The following MYO16 variants were observed in gnomAD, a reference collection of about 807,000 sequenced individuals.
MYO16 encodes the protein myosin XVI.
A neutral mutation model predicts 205.3 loss-of-function variants in MYO16; 94 were observed. That is an observed-to-expected ratio of 0.46 (90% CI 0.39 to 0.54). The LOEUF (loss-of-function observed/expected upper bound fraction) is 0.54. MYO16 is among the 20% of genes least tolerant of loss of function. MYO16 has a pLI of 0.00. For synonymous variants in MYO16, 988 were observed against 954.0 expected, an observed-to-expected ratio of 1.04 and a Z score of -0.66; for missense variants, 2,315 against 2,387.5, an observed-to-expected ratio of 0.97 and a Z score of 0.63.
intron 3 of MYO16, among the ~76,000 whole-genome samples, chr13:108,720,834 A>G (rs1884135755): frequency 6.6e-6 from 1 of 152,194 alleles, no homozygotes; most frequent in African/African-American, 2.4e-5. Flanking sequence ...TGTATGAACC[A>G]CAGAATTTGA....
chr13:109,050,292 C>T (rs556324243), intron 24 of MYO16, among the ~76,000 whole-genome samples: 3 of 151,806 alleles, frequency 2.0e-5, no homozygotes, highest in Non-Finnish European at 2.9e-5. Context: ...CCAGTTAATT[C>T]GTAGAAATCG....
intron 2 of MYO16, among the ~76,000 whole-genome samples, chr13:108,693,295 T>A (rs932344352): frequency 1.3e-5 from 2 of 152,198 alleles, no homozygotes; most frequent in South Asian, 2.1e-4. Context: ...CATTACTACA[T>A]GGAGAATGTT....
chr13:109,159,567 C>T (rs556360300), intron 32 of MYO16, among the ~76,000 whole-genome samples: 54 of 152,312 alleles, frequency 3.5e-4, no homozygotes, highest in African/African-American at 1.2e-3. Context: ...GAAAATACAA[C>T]GCACATTGTA....
chr13:108,738,554 C>T (rs1884787070), intron 4 of MYO16, among the ~76,000 whole-genome samples: 1 of 152,110 alleles, frequency 6.6e-6, no homozygotes, highest in Non-Finnish European at 1.5e-5. Flanking sequence ...GCTTTACTTC[C>T]AACTATGTGG....
chr13:108,890,383 T>C (rs1363639909), intron 14 of MYO16, among the ~76,000 whole-genome samples: 1 of 152,176 alleles, frequency 6.6e-6, no homozygotes, highest in Non-Finnish European at 1.5e-5. Flanking sequence ...TGTTCTAAGT[T>C]GCTCTCTTTC....
intron 16 of MYO16, among the ~76,000 whole-genome samples, chr13:108,927,467 A>AC (rs1235643098): frequency 1.3e-5 from 2 of 151,968 alleles, no homozygotes; most frequent in Non-Finnish European, 2.9e-5. Context: ...CCTGCTGAGG[A>AC]CCCCTGCTGC....
upstream of MYO16, among the ~76,000 whole-genome samples, chr13:108,625,254 G>A (rs970052359): frequency 6.6e-6 from 1 of 152,142 alleles, no homozygotes; most frequent in Non-Finnish European, 1.5e-5. Context: ...GAATCCGAGA[G>A]CTAGTGGTTT....
At chr13:108,971,594 A>G (rs1033247458) in intron 20 of MYO16, among the ~76,000 whole-genome samples, 2 of 151,488 alleles carry the variant, frequency 1.3e-5, no homozygotes, top group Admixed American at 1.3e-4. Context: ...TATGTATATT[A>G]ATACATTAAA....
At chr13:108,995,302 A>G (rs1884965894) in intron 21 of MYO16, among the ~76,000 whole-genome samples, 1 of 151,846 alleles carries the variant, frequency 6.6e-6, no homozygotes, top group Non-Finnish European at 1.5e-5. Flanking sequence ...CACTAATCTC[A>G]CTCGGGATGG....
At chr13:108,921,008 C>T (rs1366692657) in intron 16 of MYO16, among the ~76,000 whole-genome samples, 1 of 152,190 alleles carries the variant, frequency 6.6e-6, no homozygotes, top group Non-Finnish European at 1.5e-5. Context: ...GACACCTGCA[C>T]AGTTCCACAT....
At chr13:108,769,537 C>T (rs1274859212) in intron 4 of MYO16, among the ~76,000 whole-genome samples, 1 of 152,112 alleles carries the variant, frequency 6.6e-6, no homozygotes, top group Non-Finnish European at 1.5e-5. Flanking sequence ...TTTTAAACAT[C>T]CCTCTGGCTA....
intron 9 of MYO16, among the ~76,000 whole-genome samples, chr13:108,832,532 A>T (rs1876677374): frequency 6.6e-6 from 1 of 152,066 alleles, no homozygotes; most frequent in African/African-American, 2.4e-5. Context: ...CATTTGGTCC[A>T]GTCTGGTTTC....
chr13:108,663,310 TTTA>T (rs1206227783), intron 1 of MYO16, among the ~76,000 whole-genome samples: 1 of 134,610 alleles, frequency 7.4e-6, no homozygotes, highest in African/African-American at 3.0e-5. Flanking sequence ...AGATTCTTTC[TTTA>T]TTTTTTTTTT....
At chr13:108,663,337 CATATT>C (rs1187433279) in intron 1 of MYO16, among the ~76,000 whole-genome samples, 1 of 151,612 alleles carries the variant, frequency 6.6e-6, no homozygotes, top group African/African-American at 2.4e-5. Context: ...ATCAACTGGT[CATATT>C]ATATATCTTA....
At chr13:108,529,395 T>C in the MYO16 span, among the ~76,000 whole-genome samples, 2 of 152,164 alleles carry the variant, frequency 1.3e-5, no homozygotes, top group African/African-American at 2.4e-5. Flanking sequence ...GTATTCATAC[T>C]TTAAAGCCAT....
chr13:108,961,252 A>T (rs149753102), intron 17 of MYO16, among the ~76,000 whole-genome samples: 2 of 152,312 alleles, frequency 1.3e-5, no homozygotes, highest in East Asian at 3.9e-4. Flanking sequence ...TGTTATTACA[A>T]TTATCTACAA....
intron 2 of MYO16, among the ~76,000 whole-genome samples, chr13:108,668,542 C>T (rs912599842): frequency 1.3e-5 from 2 of 152,170 alleles, no homozygotes; most frequent in Non-Finnish European, 2.9e-5. Flanking sequence ...AAGGTGTCAT[C>T]AGCACTGGTT....
intron 23 of MYO16, among the ~76,000 whole-genome samples, chr13:109,028,795 A>G (rs538085236): frequency 6.6e-6 from 1 of 151,810 alleles, no homozygotes; most frequent in African/African-American, 2.4e-5. Flanking sequence ...ATTACTGTTC[A>G]TGTCACTGAT....
intron 2 of MYO16, among the ~76,000 whole-genome samples, chr13:108,676,890 C>T (rs1044884013): frequency 6.6e-6 from 1 of 152,162 alleles, no homozygotes; most frequent in Non-Finnish European, 1.5e-5. Context: ...AGATGTACCT[C>T]TCCTCTCCCC....
Sources: allele counts gnomAD v4.1 joint callset (sites outside exome capture counted in the v4.1 genomes callset), GRCh38; gene constraint gnomAD v4.1.1; transcripts MANE v1.5; gene names NCBI Gene and HGNC (gene_info 2026-07-23, HGNC 2026-07-21).